CCNYL1: variants seen among roughly 807,000 people sequenced by gnomAD.
The protein encoded by CCNYL1 is cyclin-Y-like protein 1.
In CCNYL1, 16 loss-of-function variants were observed where a neutral mutation model predicts 44.2. The ratio of observed to expected loss-of-function variants is 0.36; its 90% CI spans 0.25 to 0.55. The LOEUF (loss-of-function observed/expected upper bound fraction) is 0.55. Ranked by LOEUF, CCNYL1 falls within the 20% of genes least tolerant of loss-of-function variation. The probability of loss-of-function intolerance (pLI) is 0.85; values close to 1 mark genes in which losing one functional copy is unlikely to be tolerated. For missense variants in CCNYL1, 348 were observed against 451.8 expected (o/e 0.77, Z 2.08); for synonymous variants, 159 against 163.2 (o/e 0.97, Z 0.20).
rs565037741 is a variant in CCNYL1 at position 207,756,099 on chromosome 2, A to G, written c.*2401A>G. The stretch of plus-strand genomic sequence containing the variant: ...AGTATTGATTGCAGTTTTATTTTGA[A>G]AAGAATGCTACAATTTATGTGGTTT... On this transcript the variant is annotated 3_prime_UTR_variant, in exon 10 of 10. Coordinates refer to ENST00000295414, the MANE Select transcript of CCNYL1 (RefSeq NM_001330218.2). 3 of 152,366 alleles carry G rather than the reference A, an allele frequency of 2.0e-5. No individual in the cohort carries two copies. Among genetic ancestry groups the G allele is most frequent in the Admixed American group, 6.5e-5 (1 of 15,302 alleles). 9.4% of individuals were successfully genotyped at this position (152,366 alleles called of 1,614,324 possible).
At chr2:207,734,813 T>C (rs2091752981) in intron 4 of CCNYL1, among the ~76,000 whole-genome samples, 1 of 152,216 alleles carries the variant, frequency 6.6e-6, no homozygotes, top group South Asian at 2.1e-4. Context: ...ACTTCTACTT[T>C]AAAAGCAGCA....
At chr2:207,726,721 G>A in intron 2 of CCNYL1, 121 bp from the exon 3 acceptor site, 1 of 615,834 alleles carries the variant, frequency 1.6e-6, no homozygotes, top group East Asian at 3.0e-5. Flanking sequence ...AATTTTGTTG[G>A]AAATTATTTT....
intron 3 of CCNYL1, 54 bp from the exon 4 acceptor site, chr2:207,733,893 C>CT (rs999627849): frequency 2.6e-6 from 3 of 1,171,502 alleles, no homozygotes; most frequent in Admixed American, 3.7e-5. Flanking sequence ...AAAAACCACA[C>CT]TTTTATAGGT....
chr2:207,716,944 C>T (rs542375790), intron 1 of CCNYL1, among the ~76,000 whole-genome samples: 81 of 152,054 alleles, frequency 5.3e-4, no homozygotes, highest in African/African-American at 1.7e-3. Flanking sequence ...CCCGTCTCTA[C>T]GAAAAATACA....
chr2:207,736,918 G>GT (rs776221094), intron 4 of CCNYL1, among the ~76,000 whole-genome samples: 1,452 of 141,504 alleles, frequency 0.01, 6 homozygotes, highest in Non-Finnish European at 0.013. Context: ...ATATTACTGG[G>GT]TTTTTTTTTT....
intron 1 of CCNYL1, 85 bp downstream of exon 1, chr2:207,712,201 C>T: frequency 1.7e-6 from 2 of 1,167,596 alleles, no homozygotes; most frequent in Non-Finnish European, 2.4e-6. Context: ...CATCCGCCGC[C>T]TCGGGCTCCT....
intron 1 of CCNYL1, 71 bp downstream of exon 1, chr2:207,712,187 G>A (rs2091554341): frequency 7.4e-7 from 1 of 1,349,316 alleles, no homozygotes; most frequent in South Asian, 1.3e-5. Flanking sequence ...AGTCCCCCGG[G>A]AGGCATCCGC....
chr2:207,725,123 T>A (rs1019755861), intron 2 of CCNYL1, among the ~76,000 whole-genome samples: 1 of 122,258 alleles, frequency 8.2e-6, no homozygotes, highest in Non-Finnish European at 1.7e-5. Flanking sequence ...TTTAGTAACA[T>A]GGATTTTTTT....
intron 4 of CCNYL1, among the ~76,000 whole-genome samples, chr2:207,736,167 A>G (rs2091763154): frequency 6.6e-6 from 1 of 152,236 alleles, no homozygotes; most frequent in Admixed American, 6.5e-5. Context: ...TCAGCATATA[A>G]CTTCAAATTC....
At chr2:207,719,065 C>T (rs564268335) in intron 1 of CCNYL1, among the ~76,000 whole-genome samples, 1 of 150,496 alleles carries the variant, frequency 6.6e-6, no homozygotes, top group East Asian at 2.0e-4. Flanking sequence ...GGAGAATGTA[C>T]AGTAATGTAT....
intron 1 of CCNYL1, 41 bp from the exon 2 acceptor site, chr2:207,724,759 A>T: frequency 7.2e-7 from 1 of 1,380,660 alleles, no homozygotes; most frequent in Non-Finnish European, 1.0e-6. Flanking sequence ...CATCTTTTCT[A>T]CTCACCTAAA....
chr2:207,711,799 G>C lies in CCNYL1; in HGVS notation c.-98G>C, dbSNP rs917821503. On this transcript the variant is annotated 5_prime_UTR_variant, in exon 1 of 10. Coordinates refer to ENST00000295414, the MANE Select transcript of CCNYL1 (RefSeq NM_001330218.2). ...AGCCCCAGCGTAGCCCGGGGCTGCC[G>C]GTGCCGGCCGCGCCATTGTTGGGGG... 24 of 824,058 alleles carry C rather than the reference G, an allele frequency of 2.9e-5. No homozygotes were observed. Among genetic ancestry groups the C allele is most frequent in the Middle Eastern group, 4.0e-4 (1 of 2,524 alleles). 51.0% of individuals were successfully genotyped at this position (824,058 alleles called of 1,614,324 possible). A position where few individuals can be genotyped will look rare whatever the true frequency, so the allele number is the denominator to read the frequency against.
rs1172760592 is a variant in CCNYL1 at position 207,717,065 on chromosome 2, C to T, written c.220+4949C>T. 2.5e-4 allele frequency among the ~76,000 whole-genome samples: 38 copies of T among 149,406 alleles called. 1 individual carries two copies. Among genetic ancestry groups the T allele is most frequent in the Non-Finnish European group, 8.9e-5 (6 of 67,642 alleles). ...CAGAGATTGCAGTGAGCCGAGATCA[C>T]GCCACTGCACTCCAGCCTGGGTGAC... is the stretch of plus-strand genomic sequence containing the variant. On this transcript the variant is annotated intron_variant, in intron 1 of 9. Transcript: ENST00000295414.
At chr2:207,715,139 G>A (rs921406195) in intron 1 of CCNYL1, among the ~76,000 whole-genome samples, 2 of 151,976 alleles carry the variant, frequency 1.3e-5, no homozygotes, top group African/African-American at 4.8e-5. Context: ...GTGGTGGCGG[G>A]CATCTGTAAT....
intron 5 of CCNYL1, among the ~76,000 whole-genome samples, chr2:207,738,346 G>A (rs2663885): frequency 0.16 from 23,573 of 151,756 alleles, 3,018 homozygotes; most frequent in East Asian, 0.38. Flanking sequence ...TCGGGCTCCC[G>A]AGTAGGTGGG....
chr2:207,715,455 G>A lies in CCNYL1; in HGVS notation c.220+3339G>A, dbSNP rs111445055. ...AGTGCAATGGCACAAACTTGGTTCA[G>A]TGCAACCTCTTCCTCCCGTGTTCAA... On this transcript the variant is annotated intron_variant, in intron 1 of 9. Coordinates refer to ENST00000295414, the MANE Select transcript of CCNYL1 (RefSeq NM_001330218.2). Among the ~76,000 whole-genome samples, 143 of 129,708 alleles carry A rather than the reference G, an allele frequency of 1.1e-3. No homozygotes were observed. The Middle Eastern group carries it at 0.017, about 15-fold the overall frequency. The allele number at this position is 129,708 out of a possible 152,430, so 85.1% of individuals were successfully genotyped here. A position where few individuals can be genotyped will look rare whatever the true frequency, so the allele number is the denominator to read the frequency against.
chr2:207,740,926 T>C (rs1228940521), intron 6 of CCNYL1, among the ~76,000 whole-genome samples: 1 of 152,212 alleles, frequency 6.6e-6, no homozygotes, highest in Non-Finnish European at 1.5e-5. Context: ...TCTTGGACAG[T>C]GAAGCCTTTG....
At chr2:207,713,943 G>C (rs1307357542) in intron 1 of CCNYL1, among the ~76,000 whole-genome samples, 1 of 152,154 alleles carries the variant, frequency 6.6e-6, no homozygotes, top group Non-Finnish European at 1.5e-5. Context: ...ATGGGTGGGT[G>C]GTGTTGGGTG....
At chr2:207,731,975 A>C (rs569428051) in intron 3 of CCNYL1, among the ~76,000 whole-genome samples, 40 of 151,964 alleles carry the variant, frequency 2.6e-4, no homozygotes, top group African/African-American at 9.4e-4. Flanking sequence ...ACGCTTGGCT[A>C]ATTTTTGTAT....
Sources: gnomAD v4.1 joint callset for allele counts (sites outside exome capture counted in the v4.1 genomes callset) on GRCh38, gnomAD v4.1.1 for gene constraint, MANE v1.5 for transcripts, NCBI Gene and HGNC (gene_info 2026-07-23, HGNC 2026-07-21) for gene names.